Variants in IL1RAPL2 observed in about 807,000 individuals in gnomAD.
IL1RAPL2 encodes the protein interleukin 1 receptor accessory protein like 2, also known as X-linked interleukin-1 receptor accessory protein-like 2.
In IL1RAPL2, 3 loss-of-function variants were observed where a neutral mutation model predicts 44.1. The observed-to-expected ratio is 0.07, with a 90% confidence interval of 0.03 to 0.18. The LOEUF (loss-of-function observed/expected upper bound fraction) is 0.18, where lower values mean the gene tolerates loss of function less well. Among genes scored for constraint, IL1RAPL2 ranks in the 10% least tolerant of loss-of-function variants. The pLI, the probability that IL1RAPL2 is intolerant of heterozygous loss-of-function variation, is 1.00. For synonymous variants in IL1RAPL2, 181 were observed against 178.8 expected (o/e 1.01, Z -0.10); for missense variants, 391 against 496.4 (o/e 0.79, Z 2.02).
At chrX:104,638,095 G>A (rs1377919824) in intron 1 of IL1RAPL2, among the ~76,000 whole-genome samples, 3 of 111,010 alleles carry the variant, frequency 2.7e-5, no homozygotes, top group African/African-American at 9.8e-5. Flanking sequence ...ATCTTGGTAA[G>A]TTGCATGTGT....
At chrX:104,831,612 A>C (rs866094772) in intron 2 of IL1RAPL2, among the ~76,000 whole-genome samples, 2 of 111,705 alleles carry the variant, frequency 1.8e-5, no homozygotes, top group African/African-American at 6.5e-5. Flanking sequence ...CTAAATTTTT[A>C]AGTAAAATGA....
At chrX:104,825,244 G>A (rs1277534301) in intron 2 of IL1RAPL2, among the ~76,000 whole-genome samples, 7 of 111,861 alleles carry the variant, frequency 6.3e-5, no homozygotes, top group African/African-American at 2.3e-4. Context: ...TTGGGGGTTA[G>A]CTCAAAGGCA....
intron 2 of IL1RAPL2, among the ~76,000 whole-genome samples, chrX:104,773,698 T>A (rs894948420): frequency 5.3e-5 from 6 of 112,353 alleles, no homozygotes; most frequent in Non-Finnish European, 9.4e-5. Context: ...ATATAACTTC[T>A]GGAGTTGCTA....
intron 6 of IL1RAPL2, among the ~76,000 whole-genome samples, chrX:105,610,304 C>T (rs2037326641): frequency 1.8e-5 from 2 of 111,622 alleles, no homozygotes; most frequent in African/African-American, 6.5e-5. Flanking sequence ...TTTCTCTTTA[C>T]AAAATTTGTA....
intron 2 of IL1RAPL2, among the ~76,000 whole-genome samples, chrX:104,847,707 T>C (rs897603233): frequency 8.0e-5 from 9 of 111,858 alleles, no homozygotes; most frequent in Non-Finnish European, 1.5e-4. Flanking sequence ...AACTTTAAAG[T>C]AGTTTTTTCC....
chrX:104,985,191 G>A (rs1249712636), intron 2 of IL1RAPL2, among the ~76,000 whole-genome samples: 1 of 110,038 alleles, frequency 9.1e-6, no homozygotes, highest in Non-Finnish European at 1.9e-5. Flanking sequence ...GGGTTCAAGC[G>A]ATTCTTGTGC....
chrX:104,862,325 C>T (rs962566430), intron 2 of IL1RAPL2, among the ~76,000 whole-genome samples: 1 of 110,434 alleles, frequency 9.1e-6, no homozygotes, highest in Non-Finnish European at 1.9e-5. Context: ...TTCCTCCCTC[C>T]CCTGCCCCCC....
At chrX:104,837,482 T>G (rs1921771846) in intron 2 of IL1RAPL2, among the ~76,000 whole-genome samples, 1 of 112,388 alleles carries the variant, frequency 8.9e-6, no homozygotes, top group Admixed American at 9.4e-5. Context: ...TGATCACTGA[T>G]GATGAGCTTT....
At chrX:105,324,159 T>C (rs2034917767) in intron 5 of IL1RAPL2, among the ~76,000 whole-genome samples, 1 of 109,969 alleles carries the variant, frequency 9.1e-6, no homozygotes. Flanking sequence ...GGAGTGTGGG[T>C]GGGGCTGGGC....
At chrX:105,362,264 G>C (rs985884044) in intron 5 of IL1RAPL2, among the ~76,000 whole-genome samples, 2 of 111,314 alleles carry the variant, frequency 1.8e-5, no homozygotes, top group African/African-American at 6.5e-5. Context: ...AAAATGTGAA[G>C]GTGGATGGAT....
At chrX:104,990,758 C>T (rs1395929750) in intron 2 of IL1RAPL2, among the ~76,000 whole-genome samples, 2 of 111,529 alleles carry the variant, frequency 1.8e-5, no homozygotes, top group South Asian at 7.4e-4. Context: ...TCTTTGGGAT[C>T]AGTAGCAGTT....
intron 4 of IL1RAPL2, among the ~76,000 whole-genome samples, chrX:105,241,050 AAAACAAACAAAT>A (rs2034166566): frequency 9.0e-6 from 1 of 111,522 alleles, no homozygotes; most frequent in Non-Finnish European, 1.9e-5. Flanking sequence ...AGACTGTCTC[AAAACAAACAAAT>A]AAACAAACAA....
At chrX:105,336,313 G>T (rs957985052) in intron 5 of IL1RAPL2, among the ~76,000 whole-genome samples, 1 of 112,036 alleles carries the variant, frequency 8.9e-6, no homozygotes, top group African/African-American at 3.2e-5. Flanking sequence ...TAAGATGTTT[G>T]TGTTTTTCTG....
chrX:104,569,015 A>G (rs1569486484), intron 1 of IL1RAPL2, among the ~76,000 whole-genome samples: 1 of 112,099 alleles, frequency 8.9e-6, no homozygotes, highest in Non-Finnish European at 1.9e-5. Context: ...AAATGTGGAT[A>G]AAGGGCTGTG....
At chrX:105,465,363 A>G (rs931744763) in intron 5 of IL1RAPL2, among the ~76,000 whole-genome samples, 1 of 112,060 alleles carries the variant, frequency 8.9e-6, no homozygotes, top group Non-Finnish European at 1.9e-5. Context: ...AGTATCAAGA[A>G]TCTCTTTGAA....
At chrX:104,636,030 A>G (rs1384337586) in intron 1 of IL1RAPL2, among the ~76,000 whole-genome samples, 6 of 111,284 alleles carry the variant, frequency 5.4e-5, no homozygotes, top group African/African-American at 1.6e-4. Flanking sequence ...TGGTGTGGAT[A>G]TCCTTTCTGT....
intron 5 of IL1RAPL2, among the ~76,000 whole-genome samples, chrX:105,455,637 G>T (rs1222048634): frequency 9.0e-6 from 1 of 111,506 alleles, no homozygotes; most frequent in African/African-American, 3.3e-5. Context: ...TTGTAGGTGT[G>T]TGGCCTTATT....
intron 2 of IL1RAPL2, among the ~76,000 whole-genome samples, chrX:104,981,081 GTGTGTGTGTT>G (rs1365507480): frequency 2.5e-4 from 27 of 108,952 alleles, no homozygotes; most frequent in African/African-American, 8.0e-4. Context: ...GTGTGTGTGT[GTGTGTGTGTT>G]TGTGTGTGTG....
At chrX:105,323,652 T>A (rs2034913059) in intron 5 of IL1RAPL2, among the ~76,000 whole-genome samples, 1 of 111,464 alleles carries the variant, frequency 9.0e-6, no homozygotes. Flanking sequence ...AAGGGGTAGA[T>A]CACCTGAAGT....
Sources: allele counts gnomAD v4.1 joint callset (sites outside exome capture counted in the v4.1 genomes callset), GRCh38; gene constraint gnomAD v4.1.1; transcripts MANE v1.5; gene names NCBI Gene and HGNC (gene_info 2026-07-23, HGNC 2026-07-21).